The following ZNF605 variants were observed in gnomAD, a reference collection of about 807,000 sequenced individuals.
ZNF605 encodes zinc finger protein 605.
A neutral mutation model predicts 7.9 loss-of-function variants in ZNF605; 9 were observed. The ratio of observed to expected loss-of-function variants is 1.14; its 90% confidence interval spans 0.68 to 1.98. ZNF605 has a LOEUF of 1.98. Among genes scored for constraint, ZNF605 ranks in the 30% most tolerant of loss-of-function variants. The pLI is 0.00. For synonymous variants in ZNF605, 255 were observed against 260.1 expected (o/e 0.98, Z 0.19); for missense variants, 673 against 762.4 (o/e 0.88, Z 1.38).
At chr12:132,953,633 G>A (rs1438197060) in intron 1 of ZNF605, among the ~76,000 whole-genome samples, 3 of 151,998 alleles carry the variant, frequency 2.0e-5, no homozygotes, top group Non-Finnish European at 2.9e-5. Flanking sequence ...CACCATGTTG[G>A]CCAGGATGGT....
At chr12:132,934,722 A>AG (rs140604054) in intron 3 of ZNF605, among the ~76,000 whole-genome samples, 92,506 of 135,836 alleles carry the variant, frequency 0.68, 33,048 homozygotes, top group South Asian at 0.77. Flanking sequence ...AAAAAAAAAA[A>AG]GATTCCAGGA....
rs1320149596 is a variant in ZNF605 at position 132,920,223 on chromosome 12, T to G, written c.*5150A>C. 1 of 151,648 alleles carries G rather than the reference T, an allele frequency of 6.6e-6. No individual in the cohort carries two copies. Among genetic ancestry groups the G allele is most frequent in the African/African-American group, 2.4e-5 (1 of 41,184 alleles). The allele number at this position is 151,648 out of a possible 1,614,324, so 9.4% of individuals were successfully genotyped here. On this transcript the variant is annotated 3_prime_UTR_variant, in exon 5 of 5. Transcript: ENST00000360187. Reference sequence around the variant, plus strand: ...GGTGTGATCTTGGCTCACTGCAAGCTCCACCTCCCAGGTTCACGCCATTCT... The same window carrying G: ...GGTGTGATCTTGGCTCACTGCAAGCGCCACCTCCCAGGTTCACGCCATTCT...
chr12:132,928,674 AG>A (rs1952272307), intron 4 of ZNF605, among the ~76,000 whole-genome samples: 3 of 152,140 alleles, frequency 2.0e-5, no homozygotes, highest in African/African-American at 7.2e-5. Context: ...TAATATTCTC[AG>A]GAAGTACTCT....
At chr12:132,955,182 C>T (rs1952623586) in intron 1 of ZNF605, among the ~76,000 whole-genome samples, 1 of 152,122 alleles carries the variant, frequency 6.6e-6, no homozygotes. Flanking sequence ...ACGAGACTCA[C>T]GTGCATCTCT....
At chr12:132,928,650 T>C (rs1248980510) in intron 4 of ZNF605, among the ~76,000 whole-genome samples, 1 of 152,190 alleles carries the variant, frequency 6.6e-6, no homozygotes, top group Non-Finnish European at 1.5e-5. Flanking sequence ...TATTATTTAC[T>C]AGCAATTGTG....
In ZNF605 at chr12:132,933,345, A is replaced by C. The variant is rs1214868334; in HGVS notation, c.16-190T>G. ...TCACTGACTCATTGTCCTGAACAGA[A>C]CAGGGAAACATGATGAGATGCCACT... is the stretch of plus-strand genomic sequence containing the variant. On this transcript the variant is annotated intron_variant, in intron 3 of 4. Transcript: ENST00000360187. The surrounding 1 kb of genome is among the most constrained non-coding windows in gnomAD (Gnocchi z 4.4). 6.6e-6 allele frequency among the ~76,000 whole-genome samples: 1 copy of C among 152,240 alleles called. No homozygotes were observed. Among genetic ancestry groups the C allele is most frequent in the Non-Finnish European group, 1.5e-5 (1 of 68,044 alleles).
chr12:132,932,427 G>C (rs1241029054), intron 4 of ZNF605, among the ~76,000 whole-genome samples: 2 of 152,184 alleles, frequency 1.3e-5, no homozygotes, highest in Non-Finnish European at 2.9e-5. Context: ...AATTCATAAA[G>C]AGAGCCTTAA....
intron 1 of ZNF605, among the ~76,000 whole-genome samples, chr12:132,951,384 G>A (rs1321703969): frequency 2.9e-5 from 4 of 139,918 alleles, no homozygotes; most frequent in Admixed American, 7.2e-5. Flanking sequence ...ACACATATAC[G>A]TACACACAGA....
chr12:132,942,097 C>T (rs1323669900), intron 3 of ZNF605, among the ~76,000 whole-genome samples: 8 of 151,984 alleles, frequency 5.3e-5, no homozygotes, highest in African/African-American at 1.5e-4. Flanking sequence ...CCAGACAGCA[C>T]GTATGAATGA....
intron 4 of ZNF605, among the ~76,000 whole-genome samples, chr12:132,928,918 G>C (rs1952275535): frequency 6.6e-6 from 1 of 151,922 alleles, no homozygotes; most frequent in Non-Finnish European, 1.5e-5. Flanking sequence ...TTGTGAGGCA[G>C]AGGGGGTGGA....
chr12:132,950,332 C>G (rs1019043745), intron 1 of ZNF605, among the ~76,000 whole-genome samples: 3 of 152,040 alleles, frequency 2.0e-5, no homozygotes, highest in East Asian at 1.9e-4. Context: ...ACATTCACAC[C>G]GAAACTCTCA....
Position 132,920,329 on chromosome 12 carries a change from C to CG in ZNF605, c.*5043dup, listed in dbSNP as rs1347026064. 1 of 150,392 alleles carries CG rather than the reference C, an allele frequency of 6.6e-6. No homozygotes were observed. 9.3% of individuals were successfully genotyped at this position (150,392 alleles called of 1,614,324 possible). On this transcript the variant is annotated 3_prime_UTR_variant, in exon 5 of 5. Transcript: ENST00000360187. ...TAATTTTTTGTATTTTTAGTAGAGA[C>CG]GGGGTTTCACCGTGTTAGCCAGGAT...
chr12:132,931,933 T>G (rs886915874), intron 4 of ZNF605, among the ~76,000 whole-genome samples: 1 of 152,110 alleles, frequency 6.6e-6, no homozygotes, highest in Non-Finnish European at 1.5e-5. Flanking sequence ...ATTAGGGTTT[T>G]GTGTGTGTGT....
intron 2 of ZNF605, among the ~76,000 whole-genome samples, chr12:132,947,762 T>C (rs999222223): frequency 6.6e-5 from 10 of 152,080 alleles, no homozygotes; most frequent in Middle Eastern, 3.4e-3. Context: ...TCTTTAAAAC[T>C]TTTTCAAAAG....
chr12:132,953,585 C>G (rs1302184915), intron 1 of ZNF605, among the ~76,000 whole-genome samples: 1 of 152,082 alleles, frequency 6.6e-6, no homozygotes. Flanking sequence ...CACCACCATG[C>G]CCAGCTAATT....
intron 4 of ZNF605, 82 bp from the exon 5 acceptor site, chr12:132,927,244 A>G: frequency 9.8e-7 from 1 of 1,018,220 alleles, no homozygotes; most frequent in Non-Finnish European, 1.3e-6. Context: ...AAATGGCGCC[A>G]TAATCCCAGT....
At position 132,956,279 on chromosome 12, in the gene ZNF605, G is replaced by C. The variant is rs78465736; in HGVS notation, c.-322C>G. 6.6e-6 allele frequency: 1 copy of C among 152,114 alleles called. No homozygotes were observed. The highest frequency in any genetic ancestry group is 2.4e-5 in the African/African-American group (1 of 41,418). 9.4% of individuals were successfully genotyped at this position (152,114 alleles called of 1,614,324 possible). A position where few individuals can be genotyped will look rare whatever the true frequency, so the allele number is the denominator to read the frequency against. ...CGCAGGGCCGCGGCGGACACGGCCC[G>C]ATCGGGGACGTGAACGCGCAGAACT... On this transcript the variant is annotated 5_prime_UTR_variant, in exon 1 of 5. It adds an upstream start codon to the 5' untranslated region. Transcript: ENST00000360187.
rs116667275 is a variant in ZNF605 at position 132,919,326 on chromosome 12, C to A, written c.*6047G>T. 1 of 151,706 alleles carries A rather than the reference C, an allele frequency of 6.6e-6. No individual in the cohort carries two copies. Among genetic ancestry groups the A allele is most frequent in the Non-Finnish European group, 1.5e-5 (1 of 68,012 alleles). The allele number at this position is 151,706 out of a possible 1,614,324, so 9.4% of individuals were successfully genotyped here. A position where few individuals can be genotyped will look rare whatever the true frequency, so the allele number is the denominator to read the frequency against. On this transcript the variant is annotated 3_prime_UTR_variant, in exon 5 of 5. Coordinates refer to ENST00000360187, the MANE Select transcript of ZNF605 (RefSeq NM_183238.4). ...AGCTCTCCTCTCCTCCCAGCTGGGCCTCCCAAAGTCCTGGGATTGCAGGCA... is the reference window on the plus strand; with the variant it reads ...AGCTCTCCTCTCCTCCCAGCTGGGCATCCCAAAGTCCTGGGATTGCAGGCA...
chr12:132,955,742 C>T (rs1952630268), intron 1 of ZNF605, among the ~76,000 whole-genome samples: 1 of 152,024 alleles, frequency 6.6e-6, no homozygotes, highest in Non-Finnish European at 1.5e-5. Context: ...TCATTCACCC[C>T]GCTGGCCTCC....
Sources: gnomAD v4.1 joint callset for allele counts (sites outside exome capture counted in the v4.1 genomes callset) on GRCh38, gnomAD v4.1.1 for gene constraint, Gnocchi (gnomAD v3.1) non-coding constraint, MANE v1.5 for transcripts, NCBI Gene and HGNC (gene_info 2026-07-23, HGNC 2026-07-21) for gene names.